SUMF1: variants seen among roughly 807,000 people sequenced by gnomAD.
SUMF1 encodes the protein formylglycine-generating enzyme.
In SUMF1, 48 loss-of-function variants were observed where a neutral mutation model predicts 47.6. That is an observed-to-expected ratio of 1.01 (90% CI 0.80 to 1.28). The LOEUF (loss-of-function observed/expected upper bound fraction) is 1.28. SUMF1 is among the 50% of genes most tolerant of loss of function. The pLI is 0.00. For synonymous variants in SUMF1, 230 were observed against 192.1 expected, an observed-to-expected ratio of 1.20 and a Z score of -1.63; for missense variants, 571 against 485.4, an observed-to-expected ratio of 1.18 and a Z score of -1.66.
chr3:4,250,454 G>C (rs1285836124), intron 8 of SUMF1, among the ~76,000 whole-genome samples: 1 of 152,136 alleles, frequency 6.6e-6, no homozygotes, highest in African/African-American at 2.4e-5. Context: ...GGATGGAGAA[G>C]CTGCAGCAAG....
At chr3:4,414,784 T>G (rs1321979454) in intron 6 of SUMF1, 1 of 152,240 alleles carries the variant, frequency 6.6e-6, no homozygotes, top group African/African-American at 2.4e-5. Flanking sequence ...TACACTGATT[T>G]TAGAAGAGTA....
chr3:4,316,685 G>T, intron 8 of SUMF1: 1 of 1,551,180 alleles, frequency 6.4e-7, no homozygotes, highest in Non-Finnish European at 8.7e-7. Flanking sequence ...GTGATGAAAA[G>T]TGGATTTTAT....
At chr3:4,411,346 A>T (rs1341624666) in intron 6 of SUMF1, among the ~76,000 whole-genome samples, 4 of 152,090 alleles carry the variant, frequency 2.6e-5, no homozygotes, top group Non-Finnish European at 4.4e-5. Flanking sequence ...ATCCCATTGG[A>T]CCCAATATGA....
rs79755832 is a variant in SUMF1, at chr3:4,326,997, A to G, written c.1014+49333T>C. 7.2e-3 allele frequency among the ~76,000 whole-genome samples: 1,096 copies of G among 152,350 alleles called. 16 individuals carry two copies. The highest frequency in any genetic ancestry group is 0.025 in the African/African-American group (1,035 of 41,580). ...AACTTATGCAAATAACTATATTGTT[A>G]TAAGTTAAGAATACTTACAAATAGT... On this transcript the variant is annotated intron_variant and NMD_transcript_variant, in intron 8 of 12. Coordinates refer to the SUMF1 transcript ENST00000448413.
At chr3:4,110,384 A>T (rs1321756141) in intron 8 of SUMF1, among the ~76,000 whole-genome samples, 1 of 152,094 alleles carries the variant, frequency 6.6e-6, no homozygotes, top group Non-Finnish European at 1.5e-5. Context: ...GACCCACTTG[A>T]GGAGGCAGTG....
chr3:4,420,192 T>G (rs1057205657), intron 3 of SUMF1, 46 bp from the exon 4 acceptor site: 16 of 1,473,584 alleles, frequency 1.1e-5, no homozygotes, highest in African/African-American at 8.3e-5. Context: ...TAACATCAAC[T>G]CTAGAAAAAT....
intron 8 of SUMF1, among the ~76,000 whole-genome samples, chr3:4,213,319 A>G (rs1376595292): frequency 2.6e-5 from 4 of 152,200 alleles, no homozygotes; most frequent in Non-Finnish European, 5.9e-5. Flanking sequence ...ACTAAGCTTC[A>G]TAAGCCAAGG....
intron 9 of SUMF1, among the ~76,000 whole-genome samples, chr3:4,055,610 G>A (rs1467125610): frequency 6.6e-6 from 1 of 152,108 alleles, no homozygotes; most frequent in Non-Finnish European, 1.5e-5. Flanking sequence ...AGCCTCCTGA[G>A]TAACTGGGAC....
chr3:4,169,242 G>T (rs552932523), intron 8 of SUMF1, among the ~76,000 whole-genome samples: 9 of 152,024 alleles, frequency 5.9e-5, no homozygotes, highest in Non-Finnish European at 1.2e-4. Flanking sequence ...GTTGAATTGT[G>T]TTCCTCAATA....
intron 9 of SUMF1, among the ~76,000 whole-genome samples, chr3:4,049,904 C>A (rs1695074305): frequency 1.3e-5 from 2 of 152,012 alleles, no homozygotes; most frequent in Admixed American, 1.3e-4. Flanking sequence ...GAATGGGGAG[C>A]TGGAAGGGGG....
chr3:4,412,160 C>A (rs1295171383), intron 6 of SUMF1, among the ~76,000 whole-genome samples: 1 of 152,188 alleles, frequency 6.6e-6, no homozygotes, highest in Admixed American at 6.5e-5. Context: ...TTCATTGATT[C>A]ATTCAGTAAT....
chr3:4,409,704 C>G (rs932322785), intron 7 of SUMF1, among the ~76,000 whole-genome samples: 6 of 152,172 alleles, frequency 3.9e-5, no homozygotes, highest in Admixed American at 3.3e-4. Flanking sequence ...CTACTTCCAC[C>G]AGCCCCGCTG....
chr3:4,035,423 C>G (rs938050091), intron 9 of SUMF1, among the ~76,000 whole-genome samples: 1 of 152,112 alleles, frequency 6.6e-6, no homozygotes, highest in Admixed American at 6.6e-5. Flanking sequence ...CTCATCTTCT[C>G]CCTGTTATCA....
intron 8 of SUMF1, among the ~76,000 whole-genome samples, chr3:4,151,814 T>C (rs1694342265): frequency 1.3e-5 from 2 of 151,194 alleles, no homozygotes; most frequent in African/African-American, 2.5e-5. Context: ...GGGCCATGGG[T>C]TAGACAAGCT....
intron 7 of SUMF1, among the ~76,000 whole-genome samples, chr3:4,389,910 G>C (rs1407652579): frequency 6.6e-6 from 1 of 151,942 alleles, no homozygotes; most frequent in Non-Finnish European, 1.5e-5. Context: ...TTTCTCCCAT[G>C]GTTTCTTTAA....
At chr3:4,322,398 G>A (rs1698856269) in intron 8 of SUMF1, among the ~76,000 whole-genome samples, 1 of 151,924 alleles carries the variant, frequency 6.6e-6, no homozygotes, top group Non-Finnish European at 1.5e-5. Flanking sequence ...TTAGTAATAG[G>A]GGAAACTGGC....
chr3:4,366,970 G>C (rs969949529), intron 8 of SUMF1, among the ~76,000 whole-genome samples: 1 of 152,142 alleles, frequency 6.6e-6, no homozygotes, highest in African/African-American at 2.4e-5. Flanking sequence ...GTTGGAGTTT[G>C]CTAGAGGTCC....
chr3:4,254,212 T>G (rs1404775638), intron 8 of SUMF1, among the ~76,000 whole-genome samples: 1 of 151,842 alleles, frequency 6.6e-6, no homozygotes, highest in Non-Finnish European at 1.5e-5. Context: ...GCGCCTCTCC[T>G]CCTCCAAAGG....
At chr3:4,326,495 CA>C (rs1266095132) in intron 8 of SUMF1, among the ~76,000 whole-genome samples, 1 of 145,870 alleles carries the variant, frequency 6.9e-6, no homozygotes, top group African/African-American at 2.6e-5. Context: ...ATTTCATAAA[CA>C]ATGTACAAGG....
Sources: allele counts gnomAD v4.1 joint callset (sites outside exome capture counted in the v4.1 genomes callset), GRCh38; gene constraint gnomAD v4.1.1; transcripts MANE v1.5; gene names NCBI Gene and HGNC (gene_info 2026-07-23, HGNC 2026-07-21).